FGR: variants seen among roughly 807,000 people sequenced by gnomAD.
FGR encodes the protein FGR proto-oncogene, Src family tyrosine kinase.
Under a neutral mutation model 63.2 loss-of-function variants are expected in FGR, and 26 were observed. That is an observed-to-expected ratio of 0.41 (90% CI 0.30 to 0.57). FGR has a LOEUF of 0.57. Ranked by LOEUF, FGR falls within the 20% of genes least tolerant of loss-of-function variation. The pLI, the probability that FGR is intolerant of heterozygous loss-of-function variation, is 0.27. For missense variants in FGR, 511 were observed against 690.8 expected, an observed-to-expected ratio of 0.74 and a Z score of 2.92; for synonymous variants, 286 against 277.7, an observed-to-expected ratio of 1.03 and a Z score of -0.30.
Position 27,623,766 on chromosome 1 carries a change from G to C in FGR, c.151C>G (p.Pro51Ala). ...ARPASSFAHI[P>A]NYSNFSSQAI... Reference sequence around the variant, plus strand: ...TGAGAGGAGAAGTTGCTGTAGTTGGGGATGTGGGCAAATGAGGATGCAGGC... The same window carrying C: ...TGAGAGGAGAAGTTGCTGTAGTTGGCGATGTGGGCAAATGAGGATGCAGGC... Residue 51 changes from proline to alanine, a missense_variant, in exon 3 of 13, where the codon CCC becomes GCC. Physicochemically the swap from Pro to Ala is conservative, Grantham distance 27 (BLOSUM62 -1). Transcript: ENST00000374005. The C allele has an allele frequency of 6.2e-7, 1 of 1,614,236 alleles. No individual in the cohort carries two copies. The highest frequency in any genetic ancestry group is 8.5e-7 in the Non-Finnish European group (1 of 1,180,048).
chr1:27,621,310 T>A (rs935956082), intron 5 of FGR, among the ~76,000 whole-genome samples: 2 of 152,186 alleles, frequency 1.3e-5, no homozygotes, highest in Non-Finnish European at 2.9e-5. Flanking sequence ...TGAAATAGGA[T>A]AGTAGTAATT....
chr1:27,626,995 C>A (rs573658430), intron 1 of FGR, among the ~76,000 whole-genome samples: 1 of 149,442 alleles, frequency 6.7e-6, no homozygotes, highest in East Asian at 1.9e-4. Flanking sequence ...AGGGACACCC[C>A]GTCTCTATAA....
In FGR at chr1:27,617,014, G is replaced by C. The variant is rs2231876; in HGVS notation, c.533-8C>G. ...TGGACAGGGAGTAGGCACCTGTGGA[G>C]AGGATCACTTTTGATCTGCTGTTCT... is the stretch of plus-strand genomic sequence containing the variant. On this transcript the variant is annotated splice_region_variant and splice_polypyrimidine_tract_variant and intron_variant, in intron 6 of 12. Transcript: ENST00000374005. This position sits in a 1 kb window ranked among gnomAD's most constrained non-coding sequence, Gnocchi z 4.5. The C allele has an allele frequency of 3.4e-3, 5,558 of 1,614,098 alleles. 174 individuals carry two copies. The Admixed American group carries it at 0.056, about 16-fold the overall frequency.
intron 4 of FGR, among the ~76,000 whole-genome samples, chr1:27,622,503 T>A (rs964981689): frequency 2.8e-4 from 42 of 151,912 alleles, no homozygotes; most frequent in African/African-American, 6.3e-4. Context: ...TTTTATTTTT[T>A]AATTATTTAT....
In FGR at chr1:27,617,400, A is replaced by C. The variant is rs1169491882; in HGVS notation, c.429-104T>G. On this transcript the variant is annotated intron_variant, in intron 5 of 12. Transcript: ENST00000374005. The surrounding 1 kb of genome is among the most constrained non-coding windows in gnomAD (Gnocchi z 4.5). ...CCAAGACTCCATTTTCCCCATGTGTAAAATGGGGCTGGTACACCTGCTTCA... is the reference window on the plus strand; with the variant it reads ...CCAAGACTCCATTTTCCCCATGTGTCAAATGGGGCTGGTACACCTGCTTCA... 14 of 785,678 alleles carry C rather than the reference A, an allele frequency of 1.8e-5. No individual in the cohort carries two copies. The East Asian group carries it at 3.3e-4, about 19-fold the overall frequency. 48.7% of individuals were successfully genotyped at this position (785,678 alleles called of 1,614,324 possible).
Position 27,615,038 on chromosome 1 carries a change from A to G in FGR, c.1019-112T>C, listed in dbSNP as rs1294766466. On this transcript the variant is annotated intron_variant, in intron 9 of 12. Coordinates refer to ENST00000374005, the MANE Select transcript of FGR (RefSeq NM_005248.3). The surrounding 1 kb of genome is among the most constrained non-coding windows in gnomAD (Gnocchi z 7.6). ...TCCCACCTGGACCCGCCCCTCACTT[A>G]GGACCCCGCGGGTGCCTCAACCCCT... is the stretch of plus-strand genomic sequence containing the variant. The G allele has an allele frequency of 3.8e-6, 3 of 787,458 alleles. No homozygotes were observed. The highest frequency in any genetic ancestry group is 6.1e-6 in the Non-Finnish European group (3 of 490,030). The allele number at this position is 787,458 out of a possible 1,614,324, so 48.8% of individuals were successfully genotyped here.
In FGR at chr1:27,615,398, C is replaced by T; in HGVS notation, c.1018+36G>A. 11 of 1,581,060 alleles carry T rather than the reference C, an allele frequency of 7.0e-6. No individual in the cohort carries two copies. The highest frequency in any genetic ancestry group is 9.5e-6 in the Non-Finnish European group (11 of 1,156,642). ...CCTGAAAACTCCCCTCTTAACTTCA[C>T]CCCGAATCCCGCCCGACCAGGCTCC... On this transcript the variant is annotated intron_variant, in intron 9 of 12. Coordinates refer to ENST00000374005, the MANE Select transcript of FGR (RefSeq NM_005248.3). The surrounding 1 kb of genome is among the most constrained non-coding windows in gnomAD (Gnocchi z 7.6).
intron 5 of FGR, among the ~76,000 whole-genome samples, chr1:27,619,440 C>T (rs1202625188): frequency 6.6e-6 from 1 of 152,232 alleles, no homozygotes; most frequent in Non-Finnish European, 1.5e-5. Context: ...ATCCGCCCGC[C>T]TCGGCCTCCC....
At chr1:27,633,319 C>T (rs565848682) in intron 1 of FGR, among the ~76,000 whole-genome samples, 1 of 152,318 alleles carries the variant, frequency 6.6e-6, no homozygotes, top group South Asian at 2.1e-4. Context: ...GAAGTGGGAA[C>T]AGGGTCCTGC....
intron 1 of FGR, among the ~76,000 whole-genome samples, chr1:27,627,077 G>A (rs1390547033): frequency 1.3e-5 from 2 of 152,100 alleles, no homozygotes; most frequent in Non-Finnish European, 1.5e-5. Flanking sequence ...GGAGGCTGAG[G>A]TGGGAGGATT....
chr1:27,625,893 C>T (rs189710555), intron 1 of FGR, among the ~76,000 whole-genome samples: 83 of 152,252 alleles, frequency 5.5e-4, no homozygotes, highest in Middle Eastern at 6.8e-3. Context: ...GAGCCGAGAT[C>T]GCACCACTGC....
In FGR at chr1:27,614,518, G is replaced by A; in HGVS notation, c.1161C>T (p.Asn387=). 6.2e-7 allele frequency: 1 copy of A among 1,614,096 alleles called. No individual in the cohort carries two copies. Among genetic ancestry groups the A allele is most frequent in the East Asian group, 2.2e-5 (1 of 44,886 alleles). Residue 387 remains asparagine (N), a synonymous_variant, in exon 11 of 13, where the codon AAC becomes AAT. Coordinates refer to ENST00000374005, the MANE Select transcript of FGR (RefSeq NM_005248.3). The part of the protein sequence containing the change: ...NYIHRDLRAA[N]ILVGERLACK... ...ACGCCAGCCGCTCCCCAACCAGGATGTTGGCTGCCCTCAGGTCGCGGTGAA... is the reference window on the plus strand; with the variant it reads ...ACGCCAGCCGCTCCCCAACCAGGATATTGGCTGCCCTCAGGTCGCGGTGAA...
rs2089786245 is a variant in FGR at position 27,615,401 on chromosome 1, C to G, written c.1018+33G>C. 6.3e-7 allele frequency: 1 copy of G among 1,582,556 alleles called. No homozygotes were observed. The highest frequency in any genetic ancestry group is 1.3e-5 in the African/African-American group (1 of 74,454). On this transcript the variant is annotated intron_variant, in intron 9 of 12. Coordinates refer to ENST00000374005, the MANE Select transcript of FGR (RefSeq NM_005248.3). The surrounding 1 kb of genome is among the most constrained non-coding windows in gnomAD (Gnocchi z 7.6). ...GAAAACTCCCCTCTTAACTTCACCC[C>G]GAATCCCGCCCGACCAGGCTCCGCC...
At chr1:27,621,016 A>AAAAG (rs565256399) in intron 5 of FGR, among the ~76,000 whole-genome samples, 139 of 129,832 alleles carry the variant, frequency 1.1e-3, no homozygotes, top group East Asian at 7.9e-3. Context: ...AAAAAAAAAA[A>AAAAG]AAAGAAAGAA....
rs1192189015 is a variant in FGR, at chr1:27,612,971, G to A, written c.1533C>T (p.Phe511=). 1.2e-6 allele frequency: 2 copies of A among 1,614,080 alleles called. No homozygotes were observed. The highest frequency in any genetic ancestry group is 3.3e-5 in the Admixed American group (2 of 60,004). Residue 511 remains phenylalanine, a synonymous_variant, in exon 13 of 13, where the codon TTC becomes TTT. Transcript: ENST00000374005. Reference sequence around the variant, plus strand: ...CAGCGGAGGTGAAGTAGTCCTCCAGGAAGGACTGCAGGTACTCGAAGGTAG... The same window carrying A: ...CAGCGGAGGTGAAGTAGTCCTCCAGAAAGGACTGCAGGTACTCGAAGGTAG... The part of the protein sequence containing the change: ...ERPTFEYLQS[F]LEDYFTSAEP...
At chr1:27,633,034 G>A (rs1321648589) in intron 1 of FGR, among the ~76,000 whole-genome samples, 6 of 152,086 alleles carry the variant, frequency 3.9e-5, no homozygotes, top group Non-Finnish European at 8.8e-5. Flanking sequence ...TATGCTCAAG[G>A]GTTCATGCTC....
chr1:27,633,725 A>G (rs1300347397), intron 1 of FGR, among the ~76,000 whole-genome samples: 2 of 152,034 alleles, frequency 1.3e-5, no homozygotes, highest in Non-Finnish European at 2.9e-5. Flanking sequence ...CTGGCTAACT[A>G]TATTTTTTTG....
chr1:27,630,378 C>G (rs913184192), intron 1 of FGR, among the ~76,000 whole-genome samples: 1 of 152,112 alleles, frequency 6.6e-6, no homozygotes, highest in Non-Finnish European at 1.5e-5. Flanking sequence ...TAAAGCTCAT[C>G]AGCTATCATT....
intron 11 of FGR, among the ~76,000 whole-genome samples, chr1:27,613,701 A>C (rs2089743450): frequency 9.9e-6 from 1 of 100,572 alleles, no homozygotes. Flanking sequence ...TCTCAAAAAA[A>C]AAAAAAAAAA....
Sources: gnomAD v4.1 joint callset for allele counts (sites outside exome capture counted in the v4.1 genomes callset) on GRCh38, gnomAD v4.1.1 for gene constraint, Gnocchi (gnomAD v3.1) non-coding constraint, MANE v1.5 for transcripts, NCBI Gene and HGNC (gene_info 2026-07-23, HGNC 2026-07-21) for gene names.